The following ATP13A4 variants were observed in gnomAD, a reference collection of about 807,000 sequenced individuals.
ATP13A4 encodes ATPase 13A4.
In ATP13A4, 114 loss-of-function variants were observed where a neutral mutation model predicts 142.5. The observed-to-expected ratio is 0.80, with a 90% confidence interval of 0.69 to 0.93. The LOEUF is 0.93. ATP13A4 is among the 40% of genes least tolerant of loss of function. The pLI is 0.00. For synonymous variants in ATP13A4, 488 were observed against 514.8 expected, an observed-to-expected ratio of 0.95 and a Z score of 0.70; for missense variants, 1,392 against 1,454.0, an observed-to-expected ratio of 0.96 and a Z score of 0.69.
chr3:193,405,190 T>C (rs1176154767), intron 29 of ATP13A4, among the ~76,000 whole-genome samples: 1 of 152,314 alleles, frequency 6.6e-6, no homozygotes, highest in East Asian at 1.9e-4. Flanking sequence ...ACTGCAAATA[T>C]GCTGAAAAAG....
At chr3:193,550,018 G>A (rs1430302070) in intron 1 of ATP13A4, among the ~76,000 whole-genome samples, 4 of 152,184 alleles carry the variant, frequency 2.6e-5, no homozygotes, top group Non-Finnish European at 5.9e-5. Flanking sequence ...AATATGTTCA[G>A]TGATGTGCTG....
exon 1 of ATP13A4, chr3:193,593,070 C>G (rs1438053247): frequency 2.6e-6 from 1 of 377,404 alleles, no homozygotes; most frequent in Non-Finnish European, 4.7e-6. Context: ...GGCGGGGCCC[C>G]GTGAGAGGCG....
At chr3:193,539,894 G>C (rs1359539996) in intron 1 of ATP13A4, among the ~76,000 whole-genome samples, 1 of 152,060 alleles carries the variant, frequency 6.6e-6, no homozygotes, top group Non-Finnish European at 1.5e-5. Flanking sequence ...TTTATACATG[G>C]ACACTCTGTG....
chr3:193,497,518 T>C (rs1040617697), intron 3 of ATP13A4, among the ~76,000 whole-genome samples: 4 of 152,128 alleles, frequency 2.6e-5, no homozygotes, highest in Non-Finnish European at 5.9e-5. Context: ...AGGTTCCTTA[T>C]AAAATTAAAA....
rs368197969 is a variant in ATP13A4, at chr3:193,407,442, G to A, written c.3298-49C>T. ...GTTAGTCTGAAGACACGCAGATGCT[G>A]GAAACATGCTCACATGTTCACAGCA... is the stretch of plus-strand genomic sequence containing the variant. On this transcript the variant is annotated intron_variant, in intron 28 of 29. Transcript: ENST00000342695. The A allele has an allele frequency of 2.8e-5, 40 of 1,426,016 alleles. No individual in the cohort carries two copies. In the South Asian group the frequency reaches 3.7e-4, roughly 13 times the overall value. 88.3% of individuals were successfully genotyped at this position (1,426,016 alleles called of 1,614,324 possible). A position where few individuals can be genotyped will look rare whatever the true frequency, so the allele number is the denominator to read the frequency against.
intron 1 of ATP13A4, among the ~76,000 whole-genome samples, chr3:193,542,340 A>C (rs1350321951): frequency 6.6e-6 from 1 of 152,202 alleles, no homozygotes; most frequent in East Asian, 1.9e-4. Flanking sequence ...AACAAATGGA[A>C]AAACATTCCA....
intron 29 of ATP13A4, among the ~76,000 whole-genome samples, chr3:193,404,881 G>A (rs765127816): frequency 7.9e-5 from 12 of 152,138 alleles, no homozygotes; most frequent in Non-Finnish European, 8.8e-5. Context: ...CCACATGAGC[G>A]CTTCTGACTG....
In ATP13A4 at chr3:193,459,215, T is replaced by C. The variant is rs149926978; in HGVS notation, c.1540A>G (p.Ser514Gly). Residue 514 changes from serine to glycine, a missense_variant, in exon 14 of 30, where the codon AGC becomes GGC. Ser to Gly is a moderately conservative substitution (Grantham distance 56). Transcript: ENST00000342695. ...CDRNGFQEVH[S>G]FASGQALPWG... is the part of the protein sequence containing the mutation. ...GGCAAAGCCTGGCCTGAGGCAAAGCTGTGAACTTCCTGAAAGCTTAAGGAG... is the reference window on the plus strand; with the variant it reads ...GGCAAAGCCTGGCCTGAGGCAAAGCCGTGAACTTCCTGAAAGCTTAAGGAG... 5 of 1,614,248 alleles carry C rather than the reference T, an allele frequency of 3.1e-6. No homozygotes were observed. In the African/African-American group the frequency reaches 4.0e-5, roughly 13 times the overall value.
intron 2 of ATP13A4, among the ~76,000 whole-genome samples, chr3:193,511,554 T>G (rs939121164): frequency 6.6e-6 from 1 of 152,224 alleles, no homozygotes; most frequent in Non-Finnish European, 1.5e-5. Context: ...CTCTTTTGTA[T>G]AGAACACTTT....
intron 29 of ATP13A4, among the ~76,000 whole-genome samples, chr3:193,407,050 T>G (rs757297370): frequency 2.0e-5 from 3 of 152,200 alleles, no homozygotes; most frequent in Non-Finnish European, 4.4e-5. Flanking sequence ...GTGTTGGGTC[T>G]TTATTTGGAA....
At chr3:193,484,103 T>TTAA in intron 7 of ATP13A4, 98 bp from the exon 8 acceptor site, 1 of 1,017,680 alleles carries the variant, frequency 9.8e-7, no homozygotes, top group Non-Finnish European at 1.6e-6. Context: ...AGCACTGTCT[T>TTAA]ACTGCCAGTT....
intron 25 of ATP13A4, among the ~76,000 whole-genome samples, chr3:193,417,417 C>T (rs1001183167): frequency 2.0e-5 from 3 of 152,118 alleles, no homozygotes; most frequent in Non-Finnish European, 2.9e-5. Context: ...TAATTTGTAA[C>T]ATCAACAATA....
intron 2 of ATP13A4, 26 bp from the exon 3 acceptor site, chr3:193,502,665 CAAGAAGTT>C: frequency 6.2e-7 from 1 of 1,610,794 alleles, no homozygotes; most frequent in South Asian, 1.1e-5. Context: ...TCAAAACCCC[CAAGAAGTT>C]AAGAGAGGTC....
chr3:193,571,978 A>G (rs1724276055), intron 2 of ATP13A4, among the ~76,000 whole-genome samples: 1 of 152,202 alleles, frequency 6.6e-6, no homozygotes, highest in African/African-American at 2.4e-5. Flanking sequence ...AATGCACCAT[A>G]CTAATGTAAG....
Position 193,511,502 on chromosome 3 carries a change from A to G in ATP13A4, c.234+3196T>C, listed in dbSNP as rs949993032. Reference sequence around the variant, plus strand: ...TTAGGAAAAGGCACGTCATCCAGATAAGCAAGACCATTAGATATGGGTGCA... The same window carrying G: ...TTAGGAAAAGGCACGTCATCCAGATGAGCAAGACCATTAGATATGGGTGCA... On this transcript the variant is annotated intron_variant, in intron 2 of 29. Coordinates refer to ENST00000342695, the MANE Select transcript of ATP13A4 (RefSeq NM_032279.4). Among the ~76,000 whole-genome samples, 32 of 152,232 alleles carry G rather than the reference A, an allele frequency of 2.1e-4. 1 individual carries two copies. The highest frequency in any genetic ancestry group is 8.8e-5 in the Non-Finnish European group (6 of 68,042).
At chr3:193,409,088 T>C (rs1714644486) in intron 28 of ATP13A4, among the ~76,000 whole-genome samples, 1 of 152,182 alleles carries the variant, frequency 6.6e-6, no homozygotes, top group African/African-American at 2.4e-5. Context: ...TAAGATGGGA[T>C]GGGGATTGTC....
intron 8 of ATP13A4, among the ~76,000 whole-genome samples, chr3:193,483,446 GT>G (rs1044980808): frequency 6.6e-6 from 1 of 152,012 alleles, no homozygotes; most frequent in African/African-American, 2.4e-5. Context: ...CAATAAAGTA[GT>G]TTTTTTGTTT....
intron 2 of ATP13A4, among the ~76,000 whole-genome samples, chr3:193,575,793 T>A (rs1345121300): frequency 6.6e-6 from 1 of 152,230 alleles, no homozygotes; most frequent in Non-Finnish European, 1.5e-5. Context: ...GTGGAAGTTT[T>A]TTTAAGTATC....
At chr3:193,412,018 G>A (rs6763501) in intron 27 of ATP13A4, among the ~76,000 whole-genome samples, 160 bp downstream of exon 27, 45,854 of 151,976 alleles carry the variant, frequency 0.3, 7,254 homozygotes, top group East Asian at 0.5. Context: ...GCAAAGAACC[G>A]TGAAAATGAG....
Sources: gnomAD v4.1 joint callset for allele counts (sites outside exome capture counted in the v4.1 genomes callset) on GRCh38, gnomAD v4.1.1 for gene constraint, MANE v1.5 for transcripts, NCBI Gene and HGNC (gene_info 2026-07-23, HGNC 2026-07-21) for gene names.